Variants in NAALADL2 observed in about 807,000 individuals in gnomAD.
NAALADL2 encodes the protein inactive N-acetylated-alpha-linked acidic dipeptidase-like protein 2.
In NAALADL2, 76 loss-of-function variants were observed where a neutral mutation model predicts 87.2. The ratio of observed to expected loss-of-function variants is 0.87; its 90% CI spans 0.72 to 1.05. The LOEUF (loss-of-function observed/expected upper bound fraction) is 1.05. Ranked by LOEUF, NAALADL2 falls within the 50% of genes least tolerant of loss-of-function variation. The probability of loss-of-function intolerance (pLI) is 0.00; values close to 1 mark genes in which losing one functional copy is unlikely to be tolerated. For synonymous variants in NAALADL2, 354 were observed against 331.0 expected, an observed-to-expected ratio of 1.07 and a Z score of -0.75; for missense variants, 1,089 against 945.8, an observed-to-expected ratio of 1.15 and a Z score of -1.99.
At chr3:174,786,487 GA>G (rs56856533) in intron 3 of NAALADL2, among the ~76,000 whole-genome samples, 1 of 149,056 alleles carries the variant, frequency 6.7e-6, no homozygotes, top group African/African-American at 2.5e-5. Flanking sequence ...ATGAAAAGGA[GA>G]AAAAAAAGAA....
intron 13 of NAALADL2, among the ~76,000 whole-genome samples, chr3:175,767,873 C>T (rs1748942872): frequency 6.6e-6 from 1 of 152,158 alleles, no homozygotes; most frequent in Admixed American, 6.5e-5. Flanking sequence ...GTTTATCTGC[C>T]TGAAACCGTT....
chr3:175,267,858 G>T (rs1752194781), intron 4 of NAALADL2, among the ~76,000 whole-genome samples: 1 of 152,150 alleles, frequency 6.6e-6, no homozygotes, highest in South Asian at 2.1e-4. Flanking sequence ...CTGTAAGTCA[G>T]TGGTCAAACT....
intron 10 of NAALADL2, among the ~76,000 whole-genome samples, chr3:175,624,333 T>C (rs1560870115): frequency 6.6e-6 from 1 of 152,074 alleles, no homozygotes; most frequent in Non-Finnish European, 1.5e-5. Flanking sequence ...CCTAAATGGA[T>C]TCTTCTTTTT....
At chr3:174,602,976 C>T (rs1718610054) in intron 2 of NAALADL2, among the ~76,000 whole-genome samples, 1 of 151,808 alleles carries the variant, frequency 6.6e-6, no homozygotes, top group African/African-American at 2.4e-5. Flanking sequence ...GCGATAATCC[C>T]ACTTGGTAAT....
chr3:174,957,523 G>A (rs1407860945), intron 1 of NAALADL2, among the ~76,000 whole-genome samples: 3 of 152,038 alleles, frequency 2.0e-5, no homozygotes, highest in African/African-American at 7.2e-5. Context: ...AACCTAAGCT[G>A]TGGGGGTATA....
At chr3:175,062,835 T>C (rs1713791843) in intron 1 of NAALADL2, among the ~76,000 whole-genome samples, 2 of 152,152 alleles carry the variant, frequency 1.3e-5, no homozygotes, top group South Asian at 4.1e-4. Flanking sequence ...CAGACTCTCT[T>C]TTCAAGAGAA....
At chr3:175,779,099 G>GAAGAT (rs1750660180) in intron 13 of NAALADL2, among the ~76,000 whole-genome samples, 1 of 152,146 alleles carries the variant, frequency 6.6e-6, no homozygotes, top group South Asian at 2.1e-4. Context: ...AAGTGACTAG[G>GAAGAT]AAGATAAGAT....
chr3:174,691,122 T>A (rs1441169890), intron 2 of NAALADL2, among the ~76,000 whole-genome samples: 2 of 152,138 alleles, frequency 1.3e-5, no homozygotes, highest in African/African-American at 4.8e-5. Flanking sequence ...AAAAATACTT[T>A]ATTGTTAGGC....
intron 9 of NAALADL2, among the ~76,000 whole-genome samples, chr3:175,532,721 C>A (rs969861576): frequency 6.6e-6 from 1 of 152,192 alleles, no homozygotes; most frequent in Non-Finnish European, 1.5e-5. Context: ...ATATGAGTGT[C>A]GCCACCTGGC....
intron 2 of NAALADL2, among the ~76,000 whole-genome samples, chr3:175,186,477 C>T (rs1306673547): frequency 1.3e-5 from 2 of 152,010 alleles, no homozygotes; most frequent in East Asian, 1.9e-4. Flanking sequence ...AACAAATGCC[C>T]TCTTTTGTTT....
intron 10 of NAALADL2, among the ~76,000 whole-genome samples, chr3:175,587,287 CTA>C (rs1344737984): frequency 3.9e-5 from 6 of 152,162 alleles, no homozygotes; most frequent in Non-Finnish European, 8.8e-5. Flanking sequence ...TTTTAAACTC[CTA>C]TATGTTTTAT....
chr3:175,001,299 T>G (rs1328697532), intron 1 of NAALADL2, among the ~76,000 whole-genome samples: 1 of 152,184 alleles, frequency 6.6e-6, no homozygotes, highest in Admixed American at 6.5e-5. Context: ...ATGCTAGTGC[T>G]GCTCATCTGT....
intron 2 of NAALADL2, among the ~76,000 whole-genome samples, chr3:174,684,847 A>G (rs1054842044): frequency 2.0e-5 from 3 of 152,138 alleles, no homozygotes; most frequent in African/African-American, 7.2e-5. Context: ...TATATTTAAC[A>G]ACAGGACACT....
At chr3:174,797,496 T>C (rs1718284255) in intron 3 of NAALADL2, among the ~76,000 whole-genome samples, 2 of 151,612 alleles carry the variant, frequency 1.3e-5, no homozygotes, top group African/African-American at 4.8e-5. Flanking sequence ...TTTTTCTTTT[T>C]AGGAGAGACA....
At chr3:175,303,888 C>T (rs1159674754) in intron 4 of NAALADL2, among the ~76,000 whole-genome samples, 1 of 152,210 alleles carries the variant, frequency 6.6e-6, no homozygotes, top group Admixed American at 6.5e-5. Flanking sequence ...TTATATGAAG[C>T]CAATAGGACA....
intron 4 of NAALADL2, among the ~76,000 whole-genome samples, chr3:175,259,953 G>A (rs775613733): frequency 4.6e-5 from 7 of 151,864 alleles, no homozygotes; most frequent in South Asian, 2.1e-4. Context: ...GCTTGAACCC[G>A]GGAGGTGGAG....
At chr3:175,402,813 C>A (rs1252701334) in intron 5 of NAALADL2, among the ~76,000 whole-genome samples, 2 of 152,100 alleles carry the variant, frequency 1.3e-5, no homozygotes, top group African/African-American at 4.8e-5. Context: ...CCCACCACAA[C>A]AGCCTATGCA....
At chr3:175,399,082 T>C (rs1403360005) in intron 5 of NAALADL2, among the ~76,000 whole-genome samples, 1 of 152,112 alleles carries the variant, frequency 6.6e-6, no homozygotes, top group Non-Finnish European at 1.5e-5. Context: ...TACTTTTTTT[T>C]AACCTAGGTA....
rs1185502113 is a variant in NAALADL2 at position 175,016,388 on chromosome 3, T to C, written c.44-80402T>C. ...CATATCTATTGACAAGGAAAGATGC[T>C]TAGGATATATTGCTCATTGAAAAAA... On this transcript the variant is annotated intron_variant, in intron 1 of 13. Transcript: ENST00000454872. Among the ~76,000 whole-genome samples the C allele has an allele frequency of 2.0e-5, 3 of 151,190 alleles. No individual in the cohort carries two copies. The East Asian group carries it at 5.8e-4, about 29-fold the overall frequency.
Sources: gnomAD v4.1 joint callset for allele counts (sites outside exome capture counted in the v4.1 genomes callset) on GRCh38, gnomAD v4.1.1 for gene constraint, MANE v1.5 for transcripts, NCBI Gene and HGNC (gene_info 2026-07-23, HGNC 2026-07-21) for gene names.